The following DNAAF4 variants were observed in gnomAD, a reference collection of about 807,000 sequenced individuals.
DNAAF4 encodes dynein axonemal assembly factor 4.
In DNAAF4, 43 loss-of-function variants were observed where a neutral mutation model predicts 51.8. The observed-to-expected ratio is 0.83, with a 90% CI of 0.65 to 1.07. The LOEUF is 1.07. Ranked by LOEUF, DNAAF4 falls within the 50% of genes least tolerant of loss-of-function variation. The pLI, the probability that DNAAF4 is intolerant of heterozygous loss-of-function variation, is 0.00. For synonymous variants in DNAAF4, 194 were observed against 165.6 expected (o/e 1.17, Z -1.32); for missense variants, 581 against 493.0 (o/e 1.18, Z -1.69).
chr15:55,467,099 A>T lies in DNAAF4; in HGVS notation c.468T>A (p.Thr156=). The T allele has an allele frequency of 6.5e-7, 1 of 1,548,502 alleles. No homozygotes were observed. The highest frequency in any genetic ancestry group is 8.7e-7 in the Non-Finnish European group (1 of 1,148,878). The change falls in exon 5 of 10, where the codon ACT becomes ACA. Residue 156 remains threonine (T), a synonymous_variant. Transcript: ENST00000321149. The part of the protein sequence containing the change: ...DMKENERIKA[T]KALEAWKEYQ... ...ATTCTTTCCAGGCTTCCAATGCTTT[A>T]GTGGCTTTTATCCGTTCATTTTCTT...
At position 55,435,796 on chromosome 15, in the gene DNAAF4, T is replaced by G. The variant is rs561830626; in HGVS notation, c.894-738A>C. ...CAAAGTCTTTGCTTTTTTTTGTTTG[T>G]TTGTTTTTTGAGACAGAGTTTCACT... is the stretch of plus-strand genomic sequence containing the variant. On this transcript the variant is annotated intron_variant, in intron 7 of 9. Transcript: ENST00000321149. Among the ~76,000 whole-genome samples the G allele has an allele frequency of 5.3e-5, 8 of 152,314 alleles. No homozygotes were observed. In the East Asian group the frequency reaches 1.3e-3, roughly 26 times the overall value.
chr15:55,433,208 G>A (rs996340341), intron 8 of DNAAF4, among the ~76,000 whole-genome samples: 1 of 152,144 alleles, frequency 6.6e-6, no homozygotes, highest in East Asian at 1.9e-4. Context: ...GCTGAGGCAG[G>A]AGAATCACTT....
At chr15:55,449,391 G>A (rs897262255) in intron 6 of DNAAF4, among the ~76,000 whole-genome samples, 4 of 151,384 alleles carry the variant, frequency 2.6e-5, no homozygotes, top group South Asian at 2.1e-4. Context: ...GGCTGGGTAC[G>A]GTGGCTCATG....
intron 4 of DNAAF4, among the ~76,000 whole-genome samples, chr15:55,487,107 G>A (rs1475289907): frequency 1.3e-5 from 2 of 152,208 alleles, no homozygotes; most frequent in South Asian, 4.1e-4. Context: ...GGTGAAGCCA[G>A]CTGGACTTCC....
At chr15:55,455,042 T>G (rs2057996754) in intron 5 of DNAAF4, among the ~76,000 whole-genome samples, 1 of 150,186 alleles carries the variant, frequency 6.7e-6, no homozygotes, top group Admixed American at 6.6e-5. Flanking sequence ...ATAGATAAAA[T>G]GCACAATTTA....
At chr15:55,446,407 ACTTCC>A (rs2057816531) in intron 6 of DNAAF4, among the ~76,000 whole-genome samples, 1 of 133,938 alleles carries the variant, frequency 7.5e-6, no homozygotes. Context: ...GGCGCTCCTC[ACTTCC>A]CAGACGGGGC....
intron 4 of DNAAF4, among the ~76,000 whole-genome samples, chr15:55,478,169 G>A (rs889793006): frequency 1.4e-4 from 21 of 152,250 alleles, no homozygotes; most frequent in African/African-American, 5.1e-4. Flanking sequence ...TTGATTCAGG[G>A]GCAAGTTACT....
intron 5 of DNAAF4, among the ~76,000 whole-genome samples, chr15:55,461,308 G>A (rs2058091536): frequency 6.6e-6 from 1 of 151,748 alleles, no homozygotes; most frequent in Non-Finnish European, 1.5e-5. Flanking sequence ...TTAGAGACCA[G>A]AATGGTCTCG....
chr15:55,450,276 G>C lies in DNAAF4; in HGVS notation c.729C>G (p.Thr243=), dbSNP rs370022350. 3.3e-5 allele frequency: 53 copies of C among 1,613,826 alleles called. No individual in the cohort carries two copies. The highest frequency in any genetic ancestry group is 6.7e-5 in the Admixed American group (4 of 59,950). ...RSVGSIKINF[T]PRVFPTALRE... The stretch of plus-strand genomic sequence containing the variant: ...GAAGAGCTGTTGGGAATACTCGAGG[G>C]GTAAAGTTGATTTTAATACTGCCAA... The change falls in exon 6 of 10, where the codon ACC becomes ACG. Residue 243 remains threonine, a synonymous_variant. Coordinates refer to ENST00000321149, the MANE Select transcript of DNAAF4 (RefSeq NM_130810.4).
In DNAAF4 at chr15:55,460,426, C is replaced by T. The variant is rs910917255; in HGVS notation, c.637+6504G>A. On this transcript the variant is annotated intron_variant, in intron 5 of 9. Coordinates refer to ENST00000321149, the MANE Select transcript of DNAAF4 (RefSeq NM_130810.4). ...AACTCCTGACCACCCGTGATCCACC[C>T]GCCTCGGCCTCCCAAAGTGCTGAGA... is the stretch of plus-strand genomic sequence containing the variant. 4.6e-5 allele frequency among the ~76,000 whole-genome samples: 7 copies of T among 151,992 alleles called. No individual in the cohort carries two copies. The East Asian group carries it at 7.8e-4, about 17-fold the overall frequency.
Position 55,498,232 on chromosome 15 carries a change from A to ACGTC in DNAAF4, c.94_97dup (p.Val33GlyfsTer19). The ACGTC allele has an allele frequency of 6.2e-7, 1 of 1,614,032 alleles. No individual in the cohort carries two copies. Among genetic ancestry groups the ACGTC allele is most frequent in the Non-Finnish European group, 8.5e-7 (1 of 1,179,938 alleles). On this transcript the variant is annotated frameshift_variant, in exon 2 of 10. Transcript: ENST00000321149. LOFTEE classifies it high-confidence loss of function. The stretch of plus-strand genomic sequence containing the variant: ...CTTCAGATAGTTTTCCGTGCAGAAC[A>ACGTC]CGTCCGTGTCTCTGACGCACACGCC...
At chr15:55,422,054 T>G (rs1356284368) in intron 7 of DNAAF4, among the ~76,000 whole-genome samples, 1 of 151,764 alleles carries the variant, frequency 6.6e-6, no homozygotes, top group Non-Finnish European at 1.5e-5. Flanking sequence ...ATACATATTT[T>G]TATATATTTA....
In DNAAF4 at chr15:55,459,073, C is replaced by G. The variant is rs2058058751; in HGVS notation, c.637+7857G>C. Among the ~76,000 whole-genome samples, 5 of 133,326 alleles carry G rather than the reference C, an allele frequency of 3.8e-5. No homozygotes were observed. The South Asian group carries it at 1.3e-3, about 34-fold the overall frequency. 87.5% of individuals were successfully genotyped at this position (133,326 alleles called of 152,430 possible). A position where few individuals can be genotyped will look rare whatever the true frequency, so the allele number is the denominator to read the frequency against. ...CCTGGGTGACAGAGCAAGACTCTGT[C>G]TCAAAAAAAAAAAAAAAAAGAGCTG... On this transcript the variant is annotated intron_variant, in intron 5 of 9. Transcript: ENST00000321149.
At chr15:55,455,604 G>A (rs1262573153) in intron 5 of DNAAF4, among the ~76,000 whole-genome samples, 1 of 151,716 alleles carries the variant, frequency 6.6e-6, no homozygotes, top group Non-Finnish European at 1.5e-5. Flanking sequence ...GCTAATTTTT[G>A]CATTTTTAGT....
At chr15:55,446,627 G>A (rs76540624) in intron 6 of DNAAF4, among the ~76,000 whole-genome samples, 16 of 141,956 alleles carry the variant, frequency 1.1e-4, no homozygotes, top group Admixed American at 2.1e-4. Flanking sequence ...GAGCAGAGGC[G>A]CACCCTGCTT....
At chr15:55,461,774 GA>G (rs1411296264) in intron 5 of DNAAF4, among the ~76,000 whole-genome samples, 2 of 151,622 alleles carry the variant, frequency 1.3e-5, no homozygotes, top group Non-Finnish European at 1.5e-5. Flanking sequence ...CACAAGAAAA[GA>G]AATAACAAAG....
At chr15:55,459,876 G>T (rs2058069894) in intron 5 of DNAAF4, among the ~76,000 whole-genome samples, 1 of 151,890 alleles carries the variant, frequency 6.6e-6, no homozygotes, top group Non-Finnish European at 1.5e-5. Flanking sequence ...GCTAATTTTT[G>T]TATTTTTAGT....
At chr15:55,450,771 T>C (rs1177955348) in intron 5 of DNAAF4, among the ~76,000 whole-genome samples, 2 of 152,164 alleles carry the variant, frequency 1.3e-5, no homozygotes, top group East Asian at 3.8e-4. Context: ...CTTATAATAG[T>C]GTAAGAGGTT....
At chr15:55,434,305 T>C (rs1425422923) in intron 8 of DNAAF4, among the ~76,000 whole-genome samples, 1 of 151,344 alleles carries the variant, frequency 6.6e-6, no homozygotes. Context: ...AAAGAAAAAC[T>C]GGATCATAAA....
Sources: gnomAD v4.1 joint callset for allele counts (sites outside exome capture counted in the v4.1 genomes callset) on GRCh38, gnomAD v4.1.1 for gene constraint, MANE v1.5 for transcripts, NCBI Gene and HGNC (gene_info 2026-07-23, HGNC 2026-07-21) for gene names.